LIPJ: variants seen among roughly 807,000 people sequenced by gnomAD.
LIPJ encodes lipase member J.
In LIPJ, 33 loss-of-function variants were observed where a neutral mutation model predicts 39.8. The observed-to-expected ratio is 0.83, with a 90% CI of 0.63 to 1.11. LIPJ has a LOEUF of 1.11. LIPJ is among the 50% of genes least tolerant of loss of function. The pLI, the probability that LIPJ is intolerant of heterozygous loss-of-function variation, is 0.00. For synonymous variants in LIPJ, 128 were observed against 139.2 expected (o/e 0.92, Z 0.57); for missense variants, 422 against 427.9 (o/e 0.99, Z 0.12).
At chr10:88,590,619 T>C in exon 3 of LIPJ, 1 of 1,276,266 alleles carries the variant, frequency 7.8e-7, no homozygotes, top group Non-Finnish European at 1.1e-6. Flanking sequence ...AATGATGTAT[T>C]TTATCCGAAT....
At chr10:88,601,169 A>G (rs1329143923) in intron 8 of LIPJ, among the ~76,000 whole-genome samples, 1 of 151,970 alleles carries the variant, frequency 6.6e-6, no homozygotes, top group Non-Finnish European at 1.5e-5. Context: ...GCTGGTCTCG[A>G]ACTCCTGACC....
chr10:88,620,564 C>A, the LIPJ span, among the ~76,000 whole-genome samples: 436 of 152,128 alleles, frequency 2.9e-3, 2 homozygotes, highest in Non-Finnish European at 5.6e-3. Context: ...TGCTCAACAT[C>A]ATTAATCATG....
chr10:88,585,942 T>C (rs188848649), upstream of LIPJ, among the ~76,000 whole-genome samples: 1 of 152,346 alleles, frequency 6.6e-6, no homozygotes, highest in East Asian at 1.9e-4. Flanking sequence ...CTTACATTTG[T>C]GTCTTCATTT....
At chr10:88,604,269 T>C (rs1434143376) in intron 9 of LIPJ, among the ~76,000 whole-genome samples, 2 of 152,102 alleles carry the variant, frequency 1.3e-5, no homozygotes, top group Admixed American at 1.3e-4. Flanking sequence ...AAATAATGAG[T>C]AAGACAGGGA....
intron 2 of LIPJ, 47 bp from the exon 3 acceptor site, chr10:88,590,538 T>A: frequency 3.4e-6 from 2 of 596,550 alleles, no homozygotes; most frequent in Non-Finnish European, 6.1e-6. Context: ...TAAATGGTAT[T>A]ATTTGCTGCA....
At position 88,588,234 on chromosome 10, in the gene LIPJ, A is replaced by G. The variant is rs1850972076; in HGVS notation, c.-104+842A>G. 1.3e-5 allele frequency among the ~76,000 whole-genome samples: 2 copies of G among 151,866 alleles called. 1 individual carries two copies. Among genetic ancestry groups the G allele is most frequent in the African/African-American group, 4.8e-5 (2 of 41,436 alleles). On this transcript the variant is annotated intron_variant, in intron 2 of 10. Transcript: ENST00000371939. ...TTATTTATCTTTTTTAGAAAAATTG[A>G]TTAGACTTTGAAGTAAAAACATATC...
chr10:88,592,088 C>T (rs1243975706), intron 4 of LIPJ: 1 of 151,782 alleles, frequency 6.6e-6, no homozygotes, highest in East Asian at 1.9e-4. Flanking sequence ...GTATTTTCTC[C>T]TTAGCTTTTC....
At chr10:88,591,467 T>A in exon 4 of LIPJ, 1 of 1,602,054 alleles carries the variant, frequency 6.2e-7, no homozygotes, top group Non-Finnish European at 8.5e-7. Flanking sequence ...ATAGAATTCC[T>A]TATTGGAGGA....
exon 4 of LIPJ, chr10:88,591,450 G>C: frequency 6.3e-7 from 1 of 1,599,662 alleles, no homozygotes; most frequent in Non-Finnish European, 8.6e-7. Context: ...TTATATCCTT[G>C]GCCTTTATAG....
downstream of LIPJ, among the ~76,000 whole-genome samples, chr10:88,608,882 T>C (rs1004378507): frequency 6.6e-6 from 1 of 152,258 alleles, no homozygotes; most frequent in Non-Finnish European, 1.5e-5. Context: ...GGAAACATCC[T>C]CTTTATTTGC....
chr10:88,621,992 G>T, the LIPJ span, among the ~76,000 whole-genome samples: 1 of 152,118 alleles, frequency 6.6e-6, no homozygotes, highest in Non-Finnish European at 1.5e-5. Context: ...CTACCTATTG[G>T]TGCCCTGCTC....
chr10:88,606,501 T>C (rs1017856836), intron 10 of LIPJ, among the ~76,000 whole-genome samples, 173 bp from the exon 11 acceptor site: 4 of 152,182 alleles, frequency 2.6e-5, no homozygotes, highest in South Asian at 2.1e-4. Context: ...GTAAAACTTG[T>C]AATCCCTATT....
upstream of LIPJ, among the ~76,000 whole-genome samples, chr10:88,584,935 A>G (rs1046407994): frequency 6.6e-6 from 1 of 152,228 alleles, no homozygotes; most frequent in Admixed American, 6.5e-5. Flanking sequence ...ACAGTCTGAT[A>G]CTATGTCAAA....
intron 2 of LIPJ, among the ~76,000 whole-genome samples, chr10:88,589,498 T>C (rs560244014): frequency 1.1e-4 from 17 of 152,030 alleles, no homozygotes; most frequent in African/African-American, 3.9e-4. Context: ...ATACCAAATA[T>C]AAATACCTGG....
chr10:88,592,140 A>G (rs1851101358), intron 4 of LIPJ: 1 of 151,946 alleles, frequency 6.6e-6, no homozygotes, highest in Non-Finnish European at 1.5e-5. Flanking sequence ...CAGGATGTGA[A>G]ACAAATAGAA....
upstream of LIPJ, among the ~76,000 whole-genome samples, chr10:88,586,402 T>A (rs982791481): frequency 6.6e-6 from 1 of 152,116 alleles, no homozygotes; most frequent in Admixed American, 6.5e-5. Context: ...ATGTCTAATA[T>A]TTATTTTTTC....
intron 2 of LIPJ, among the ~76,000 whole-genome samples, chr10:88,589,652 G>A (rs113818149): frequency 0.02 from 3,056 of 151,774 alleles, 78 homozygotes; most frequent in South Asian, 0.085. Flanking sequence ...TAATAAATAT[G>A]TAAGAAAGAC....
chr10:88,606,940 A>C, exon 11 of LIPJ: 1 of 1,418,984 alleles, frequency 7.0e-7, no homozygotes, highest in Non-Finnish European at 9.2e-7. Context: ...AAAGATCTAC[A>C]TCATTCCTAA....
intron 10 of LIPJ, 112 bp downstream of exon 10, chr10:88,605,816 A>C (rs1851647694): frequency 1.5e-6 from 1 of 670,282 alleles, no homozygotes; most frequent in African/African-American, 1.8e-5. Context: ...CTGATTAAGG[A>C]CCAGCAGATG....
Sources: allele counts gnomAD v4.1 joint callset (sites outside exome capture counted in the v4.1 genomes callset), GRCh38; gene constraint gnomAD v4.1.1; transcripts MANE v1.5; gene names NCBI Gene and HGNC (gene_info 2026-07-23, HGNC 2026-07-21).